Variants in TXNRD2 observed in about 807,000 individuals in gnomAD.
TXNRD2 encodes thioredoxin reductase 2, also known as thioredoxin reductase 2, mitochondrial.
TXNRD2 carries 67 observed loss-of-function variants against 70.8 expected under a neutral mutation model. The observed-to-expected ratio is 0.95, with a 90% CI of 0.78 to 1.16. The LOEUF is 1.16. TXNRD2 is among the 50% of genes most tolerant of loss of function. TXNRD2 has a pLI of 0.00. For synonymous variants in TXNRD2, 301 were observed against 295.8 expected, an observed-to-expected ratio of 1.02 and a Z score of -0.18; for missense variants, 644 against 719.9, an observed-to-expected ratio of 0.89 and a Z score of 1.21.
At chr22:19,896,566 C>A (rs1163019260) in intron 10 of TXNRD2, among the ~76,000 whole-genome samples, 2 of 152,166 alleles carry the variant, frequency 1.3e-5, no homozygotes, top group Non-Finnish European at 2.9e-5. Context: ...GTAGGCACAG[C>A]AGGCTCAGGT....
chr22:19,907,533 G>GCA (rs377576070), intron 8 of TXNRD2, among the ~76,000 whole-genome samples: 2 of 15,918 alleles, frequency 1.3e-4, no homozygotes, highest in Non-Finnish European at 1.1e-4. Context: ...GAGTGTGGGC[G>GCA]CCGTGGGTAG....
At chr22:19,894,798 G>A (rs1601408267) in intron 11 of TXNRD2, 6 of 355,054 alleles carry the variant, frequency 1.7e-5, no homozygotes, top group Non-Finnish European at 2.1e-5. Context: ...GACCATCCTG[G>A]CCTACATGGT....
At chr22:19,877,958 A>C in intron 16 of TXNRD2, 132 bp downstream of exon 16, 1 of 782,270 alleles carries the variant, frequency 1.3e-6, no homozygotes, top group African/African-American at 1.7e-5. Flanking sequence ...GGCCTGAGGA[A>C]TCTCTGCTGC....
chr22:19,884,302 G>T (rs1458270046), intron 11 of TXNRD2: 2 of 152,320 alleles, frequency 1.3e-5, no homozygotes, highest in African/African-American at 4.8e-5. Flanking sequence ...GGGTGCCACC[G>T]GTGGAAACTG....
intron 12 of TXNRD2, among the ~76,000 whole-genome samples, chr22:19,882,999 C>T (rs986149172): frequency 6.6e-6 from 1 of 152,262 alleles, no homozygotes. Flanking sequence ...AAGCCTATGC[C>T]TCTAGCCTAC....
In TXNRD2 at chr22:19,918,130, AGAGCTT is replaced by A. The variant is rs756254595; in HGVS notation, c.449+7_449+12del. On this transcript the variant is annotated splice_region_variant and intron_variant, in intron 5 of 17. Coordinates refer to ENST00000400521, the MANE Select transcript of TXNRD2 (RefSeq NM_006440.5). The stretch of plus-strand genomic sequence containing the variant: ...CCCAGAGGGCGGCCCATTCCCGGAG[AGAGCTT>A]CAGTACCTGTCCTGAAGCTGGACAC... 10 of 1,613,288 alleles carry A rather than the reference AGAGCTT, an allele frequency of 6.2e-6. No individual in the cohort carries two copies. The East Asian group carries it at 2.2e-4, about 36-fold the overall frequency.
chr22:19,915,842 T>C lies in TXNRD2; in HGVS notation c.451A>G (p.Lys151Glu), dbSNP rs1419555970. Residue 151 changes from lysine (K) to glutamate (E), a missense_variant and splice_region_variant, in exon 6 of 18, where the codon AAA becomes GAA. Lys to Glu is a moderately conservative substitution (Grantham distance 56). Transcript: ENST00000400521. ...WGHRVQLQDR[K>E]VKYFNIKASF... is the part of the protein sequence containing the mutation. ...GCTTTGATGTTAAAGTACTTGACTT[T>C]TCTGAAAGATAAAGATAAGATTTTC... is the stretch of plus-strand genomic sequence containing the variant. 1 of 1,613,962 alleles carries C rather than the reference T, an allele frequency of 6.2e-7. No individual in the cohort carries two copies. Among genetic ancestry groups the C allele is most frequent in the Non-Finnish European group, 8.5e-7 (1 of 1,179,866 alleles).
chr22:19,939,725 C>T (rs1266861678), intron 1 of TXNRD2, among the ~76,000 whole-genome samples: 1 of 152,164 alleles, frequency 6.6e-6, no homozygotes, highest in African/African-American at 2.4e-5. Flanking sequence ...TCTAGAAGCT[C>T]AAGTCTGGGC....
chr22:19,917,624 G>A lies in TXNRD2; in HGVS notation c.449+519C>T, dbSNP rs373812785. Among the ~76,000 whole-genome samples, 739 of 152,286 alleles carry A rather than the reference G, an allele frequency of 4.9e-3. 6 individuals carry two copies. Among genetic ancestry groups the A allele is most frequent in the African/African-American group, 0.017 (712 of 41,552 alleles). On this transcript the variant is annotated intron_variant, in intron 5 of 17. Coordinates refer to ENST00000400521, the MANE Select transcript of TXNRD2 (RefSeq NM_006440.5). ...CCCCAGGAGAAGGTTGTAGGCCAGG[G>A]GAGCATAGGCCTCTGTGCTGGAGAT...
chr22:19,905,445 G>C (rs1352839463), intron 8 of TXNRD2, among the ~76,000 whole-genome samples: 1 of 152,182 alleles, frequency 6.6e-6, no homozygotes, highest in Non-Finnish European at 1.5e-5. Context: ...GGGTTGCAGA[G>C]GAGCGCTCCC....
At chr22:19,881,405 GC>G (rs1938773236) in intron 12 of TXNRD2, 1 of 243,364 alleles carries the variant, frequency 4.1e-6, no homozygotes, top group Middle Eastern at 1.3e-3. Context: ...ATCCCGGCGG[GC>G]GGCGCACAGC....
intron 11 of TXNRD2, among the ~76,000 whole-genome samples, chr22:19,889,864 T>C (rs1212079081): frequency 6.6e-6 from 1 of 152,152 alleles, no homozygotes; most frequent in Non-Finnish European, 1.5e-5. Context: ...GTAATATGCA[T>C]AAATGGTGCT....
At chr22:19,917,862 G>A (rs548996779) in intron 5 of TXNRD2, among the ~76,000 whole-genome samples, 8 of 152,282 alleles carry the variant, frequency 5.3e-5, no homozygotes, top group South Asian at 2.1e-4. Flanking sequence ...AGCCCCAAGC[G>A]CCTCCTCCCT....
chr22:19,941,352 A>G (rs965035318), intron 1 of TXNRD2, among the ~76,000 whole-genome samples: 2 of 152,104 alleles, frequency 1.3e-5, no homozygotes, highest in African/African-American at 4.8e-5. Flanking sequence ...AGAAGTTGGG[A>G]AGTCTGGCCA....
chr22:19,932,412 T>C (rs1941401548), intron 1 of TXNRD2: 2 of 1,612,434 alleles, frequency 1.2e-6, no homozygotes, highest in Non-Finnish European at 8.5e-7. Flanking sequence ...CTTTTTAGCC[T>C]GCAAAAGGTG....
chr22:19,885,044 G>A lies in TXNRD2; in HGVS notation c.950-1583C>T, dbSNP rs571869756. On this transcript the variant is annotated intron_variant, in intron 11 of 17. Coordinates refer to ENST00000400521, the MANE Select transcript of TXNRD2 (RefSeq NM_006440.5). ...GGGCAGGGGATGGCCAGTCCAGGGG[G>A]TCAGCACAGCTGCCCCCTGCCAGTC... Among the ~76,000 whole-genome samples the A allele has an allele frequency of 2.6e-5, 4 of 152,252 alleles. No individual in the cohort carries two copies. In the South Asian group the frequency reaches 6.2e-4, roughly 24 times the overall value.
intron 1 of TXNRD2, 28 bp from the exon 2 acceptor site, chr22:19,931,126 G>A (rs759424827): frequency 3.2e-5 from 52 of 1,607,438 alleles, no homozygotes; most frequent in Admixed American, 6.7e-5. Flanking sequence ...AGGTGGGACG[G>A]ACTGTCTGTC....
chr22:19,892,075 C>G (rs79062175), intron 11 of TXNRD2, among the ~76,000 whole-genome samples: 4,818 of 152,342 alleles, frequency 0.032, 269 homozygotes, highest in African/African-American at 0.11. Flanking sequence ...AGGCATCCCC[C>G]CTTCCTGTCG....
At chr22:19,895,334 G>A (rs1939452890) in intron 11 of TXNRD2, 73 bp downstream of exon 11, 1 of 1,608,044 alleles carries the variant, frequency 6.2e-7, no homozygotes, top group Non-Finnish European at 8.5e-7. Flanking sequence ...GGAGGTGACA[G>A]GAAGTGGGGC....
Sources: allele counts gnomAD v4.1 joint callset (sites outside exome capture counted in the v4.1 genomes callset), GRCh38; gene constraint gnomAD v4.1.1; transcripts MANE v1.5; gene names NCBI Gene and HGNC (gene_info 2026-07-23, HGNC 2026-07-21).